The following ZDHHC14 variants were observed in gnomAD, a reference collection of about 807,000 sequenced individuals.
ZDHHC14 encodes palmitoyltransferase ZDHHC14.
In ZDHHC14, 16 loss-of-function variants were observed where a neutral mutation model predicts 47.7. The observed-to-expected ratio is 0.34, with a 90% CI of 0.23 to 0.51. The LOEUF (loss-of-function observed/expected upper bound fraction) is 0.51, where lower values mean the gene tolerates loss of function less well. ZDHHC14 is among the 20% of genes least tolerant of loss of function. The probability of loss-of-function intolerance (pLI) is 0.97; values close to 1 mark genes in which losing one functional copy is unlikely to be tolerated. For missense variants in ZDHHC14, 515 were observed against 662.5 expected (o/e 0.78, Z 2.44); for synonymous variants, 293 against 278.9 (o/e 1.05, Z -0.50).
intron 1 of ZDHHC14, among the ~76,000 whole-genome samples, chr6:157,488,773 T>C (rs1257756929): frequency 1.3e-5 from 2 of 152,210 alleles, no homozygotes; most frequent in Non-Finnish European, 2.9e-5. Flanking sequence ...GACGTGTCTT[T>C]AAGAAGAGCA....
intron 1 of ZDHHC14, among the ~76,000 whole-genome samples, chr6:157,395,755 C>T (rs4566905): frequency 0.083 from 12,412 of 150,128 alleles, 668 homozygotes; most frequent in African/African-American, 0.16. Flanking sequence ...GATTATGCCA[C>T]TGCACTCCAG....
intron 1 of ZDHHC14, among the ~76,000 whole-genome samples, chr6:157,484,408 GTATACACATATACA>G (rs1779724228): frequency 1.4e-5 from 2 of 140,816 alleles, no homozygotes; most frequent in African/African-American, 5.3e-5. Context: ...ACATATATAT[GTATACACATATACA>G]TATATATACG....
intron 1 of ZDHHC14, among the ~76,000 whole-genome samples, chr6:157,518,962 G>C (rs576836528): frequency 1.3e-5 from 2 of 152,306 alleles, no homozygotes; most frequent in East Asian, 3.9e-4. Context: ...TTCATGGTGA[G>C]GACTGGGGCA....
intron 1 of ZDHHC14, among the ~76,000 whole-genome samples, chr6:157,541,990 C>T (rs539554651): frequency 1.2e-3 from 179 of 152,334 alleles, no homozygotes; most frequent in African/African-American, 4.2e-3. Flanking sequence ...AAATCTTCTT[C>T]CGAAACCTGC....
In ZDHHC14 at chr6:157,632,835, T is replaced by C; in HGVS notation, c.705T>C (p.Arg235=). 1 of 1,614,196 alleles carries C rather than the reference T, an allele frequency of 6.2e-7. No homozygotes were observed. Among genetic ancestry groups the C allele is most frequent in the Non-Finnish European group, 8.5e-7 (1 of 1,180,022 alleles). Reference sequence around the variant, plus strand: ...TAAATGTTGGTTTCATTCCCACAGGTTCACAGCAAACAGGATTCCTAAATG... The same window carrying C: ...TAAATGTTGGTTTCATTCCCACAGGCTCACAGCAAACAGGATTCCTAAATG... The part of the protein sequence containing the change: ...FAFVITHVIL[R]SQQTGFLNAL... Residue 235 remains arginine, a splice_region_variant and synonymous_variant, in exon 5 of 9, where the codon CGT becomes CGC. Transcript: ENST00000359775.
Position 157,485,833 on chromosome 6 carries a change from A to G in ZDHHC14, c.246-56752A>G, listed in dbSNP as rs962250591. ...CAACACCAGCCTGGCCAACATGGTGAAACTCCGTCTCCACTAAAAATACAA... is the reference window on the plus strand; with the variant it reads ...CAACACCAGCCTGGCCAACATGGTGGAACTCCGTCTCCACTAAAAATACAA... On this transcript the variant is annotated intron_variant, in intron 1 of 8. Transcript: ENST00000359775. Among the ~76,000 whole-genome samples the G allele has an allele frequency of 1.6e-4, 24 of 152,258 alleles. No individual in the cohort carries two copies. In the South Asian group the frequency reaches 2.3e-3, roughly 14 times the overall value.
intron 5 of ZDHHC14, among the ~76,000 whole-genome samples, chr6:157,633,433 C>T (rs1296897902): frequency 6.6e-6 from 1 of 152,026 alleles, no homozygotes; most frequent in African/African-American, 2.4e-5. Context: ...TCCCATCCTC[C>T]CAAGCATAAA....
At chr6:157,476,482 G>C (rs527707871) in intron 1 of ZDHHC14, among the ~76,000 whole-genome samples, 3 of 152,264 alleles carry the variant, frequency 2.0e-5, no homozygotes, top group Non-Finnish European at 4.4e-5. Context: ...AACATTTAAA[G>C]ACAACCCAAT....
intron 7 of ZDHHC14, among the ~76,000 whole-genome samples, chr6:157,650,840 T>C (rs973527087): frequency 6.6e-6 from 1 of 152,162 alleles, no homozygotes; most frequent in Non-Finnish European, 1.5e-5. Context: ...GCTAGTCCTG[T>C]CTCCCCACCA....
chr6:157,678,042 G>A lies in ZDHHC14; in HGVS notation c.*4920G>A, dbSNP rs1222045241. ...ATTTCATGTTTTCAGAGATACGTAT[G>A]CTTATTTAAGTGCCTTTCATGTTTT... On this transcript the variant is annotated 3_prime_UTR_variant, in exon 9 of 9. Coordinates refer to ENST00000359775, the MANE Select transcript of ZDHHC14 (RefSeq NM_024630.3). The A allele has an allele frequency of 2.0e-5, 3 of 152,010 alleles. No individual in the cohort carries two copies. The East Asian group carries it at 5.8e-4, about 29-fold the overall frequency. 9.4% of individuals were successfully genotyped at this position (152,010 alleles called of 1,614,324 possible).
chr6:157,399,408 A>T (rs1039497887), intron 1 of ZDHHC14, among the ~76,000 whole-genome samples: 2 of 152,196 alleles, frequency 1.3e-5, no homozygotes, highest in Non-Finnish European at 2.9e-5. Context: ...TAAGAAATAA[A>T]AGTGTGTGCC....
chr6:157,386,168 C>T (rs1777307250), intron 1 of ZDHHC14, among the ~76,000 whole-genome samples: 1 of 152,066 alleles, frequency 6.6e-6, no homozygotes, highest in Non-Finnish European at 1.5e-5. Context: ...GGTTAAGAAG[C>T]AACTGTGACT....
chr6:157,381,893 G>T lies in ZDHHC14; in HGVS notation c.-129G>T, dbSNP rs1443898486. 1.3e-6 allele frequency: 1 copy of T among 789,014 alleles called. No homozygotes were observed. The highest frequency in any genetic ancestry group is 5.7e-5 in the South Asian group (1 of 17,676). The allele number at this position is 789,014 out of a possible 1,614,324, so 48.9% of individuals were successfully genotyped here. A position where few individuals can be genotyped will look rare whatever the true frequency, so the allele number is the denominator to read the frequency against. Reference sequence around the variant, plus strand: ...CGGCAAAGTTGTCGCCGAGCCGGGAGCCCGTGTAGGGGCCGCGGCGCCGCG... The same window carrying T: ...CGGCAAAGTTGTCGCCGAGCCGGGATCCCGTGTAGGGGCCGCGGCGCCGCG... On this transcript the variant is annotated 5_prime_UTR_variant, in exon 1 of 9. Transcript: ENST00000359775.
intron 5 of ZDHHC14, among the ~76,000 whole-genome samples, chr6:157,638,588 T>C (rs969986750): frequency 1.1e-4 from 16 of 152,030 alleles, no homozygotes; most frequent in African/African-American, 3.9e-4. Context: ...TGTAAAACCA[T>C]TCTACTCAAC....
chr6:157,398,088 C>A (rs1304078494), intron 1 of ZDHHC14, among the ~76,000 whole-genome samples: 1 of 151,548 alleles, frequency 6.6e-6, no homozygotes, highest in African/African-American at 2.4e-5. Context: ...CTCCCCAGCC[C>A]CCCCCGGCTC....
At chr6:157,592,868 C>T (rs1783969412) in intron 2 of ZDHHC14, 120 bp from the exon 3 acceptor site, 2 of 1,492,980 alleles carry the variant, frequency 1.3e-6, no homozygotes, top group Non-Finnish European at 1.8e-6. Flanking sequence ...ACCGTGGGCA[C>T]CGGGGGCCCT....
intron 2 of ZDHHC14, among the ~76,000 whole-genome samples, chr6:157,543,811 A>G (rs1781861136): frequency 6.6e-6 from 1 of 152,104 alleles, no homozygotes; most frequent in South Asian, 2.1e-4. Context: ...GGTAGGAAGG[A>G]GGGGGAGGGA....
rs143961414 is a variant in ZDHHC14, at chr6:157,400,723, G to A, written c.245+18457G>A. Among the ~76,000 whole-genome samples the A allele has an allele frequency of 8.1e-3, 1,229 of 152,250 alleles. 10 individuals carry two copies. Among genetic ancestry groups the A allele is most frequent in the Non-Finnish European group, 0.015 (992 of 68,006 alleles). On this transcript the variant is annotated intron_variant, in intron 1 of 8. Transcript: ENST00000359775. ...TGTGCCTTCTGCTCAAAACACTCCTGCCCTATTCCAGCCACGAACCTATGA... is the reference window on the plus strand; with the variant it reads ...TGTGCCTTCTGCTCAAAACACTCCTACCCTATTCCAGCCACGAACCTATGA...
intron 2 of ZDHHC14, among the ~76,000 whole-genome samples, chr6:157,547,355 T>C (rs560712398): frequency 6.6e-6 from 1 of 152,108 alleles, no homozygotes; most frequent in Admixed American, 6.5e-5. Flanking sequence ...TGAAAGAGTC[T>C]CTCGAGGAAA....
Sources: allele counts gnomAD v4.1 joint callset (sites outside exome capture counted in the v4.1 genomes callset), GRCh38; gene constraint gnomAD v4.1.1; transcripts MANE v1.5; gene names NCBI Gene and HGNC (gene_info 2026-07-23, HGNC 2026-07-21).